The following FRMD4A variants were observed in gnomAD, a reference collection of about 807,000 sequenced individuals.
The protein encoded by FRMD4A is FERM domain-containing protein 4A.
Under a neutral mutation model 129.1 loss-of-function variants are expected in FRMD4A, and 29 were observed. That is an observed-to-expected ratio of 0.22 (90% confidence interval 0.17 to 0.31). FRMD4A has a LOEUF of 0.31. FRMD4A is among the 10% of genes least tolerant of loss of function. The probability of loss-of-function intolerance (pLI) is 1.00; values close to 1 mark genes in which losing one functional copy is unlikely to be tolerated. For missense variants in FRMD4A, 1,272 were observed against 1,375.8 expected, an observed-to-expected ratio of 0.92 and a Z score of 1.19; for synonymous variants, 634 against 571.6, an observed-to-expected ratio of 1.11 and a Z score of -1.56.
chr10:13,925,799 G>T (rs111980561), intron 2 of FRMD4A, among the ~76,000 whole-genome samples: 4 of 150,590 alleles, frequency 2.7e-5, no homozygotes, highest in African/African-American at 9.7e-5. Flanking sequence ...TAGCCAGGAT[G>T]GTCTAGATCT....
chr10:13,693,622 G>T (rs2085929731), intron 15 of FRMD4A: 4 of 723,798 alleles, frequency 5.5e-6, no homozygotes, highest in Non-Finnish European at 8.3e-6. Context: ...ACGCTCTGGG[G>T]GGTACCTGAA....
At chr10:14,015,734 C>A (rs535489433) in intron 2 of FRMD4A, among the ~76,000 whole-genome samples, 2 of 152,308 alleles carry the variant, frequency 1.3e-5, no homozygotes, top group South Asian at 4.1e-4. Context: ...TTCATTCAAC[C>A]ATTATTTTAT....
At chr10:13,798,665 C>G (rs573753495) in intron 4 of FRMD4A, among the ~76,000 whole-genome samples, 1 of 152,046 alleles carries the variant, frequency 6.6e-6, no homozygotes, top group Non-Finnish European at 1.5e-5. Flanking sequence ...TGCAGTGAGC[C>G]GAGATGGCGC....
intron 2 of FRMD4A, among the ~76,000 whole-genome samples, chr10:13,982,058 A>G (rs906847231): frequency 2.0e-5 from 3 of 152,220 alleles, no homozygotes; most frequent in African/African-American, 7.2e-5. Flanking sequence ...GCGTAGCCAT[A>G]CAAACTAGAA....
intron 2 of FRMD4A, among the ~76,000 whole-genome samples, chr10:13,928,046 G>A (rs898668497): frequency 2.1e-5 from 3 of 140,552 alleles, no homozygotes; most frequent in Non-Finnish European, 4.5e-5. Flanking sequence ...TCTGAGACAG[G>A]GTCTCACTCT....
At chr10:13,874,240 T>A (rs376790553) in intron 2 of FRMD4A, among the ~76,000 whole-genome samples, 279 of 73,028 alleles carry the variant, frequency 3.8e-3, no homozygotes, top group African/African-American at 0.017. Context: ...AGTGAGACAC[T>A]GTCTCAAAAA....
chr10:14,088,624 C>T (rs112330023), intron 2 of FRMD4A, among the ~76,000 whole-genome samples: 3 of 151,314 alleles, frequency 2.0e-5, no homozygotes, highest in Non-Finnish European at 4.4e-5. Flanking sequence ...AAAAACTAGC[C>T]GGACGTGATG....
intron 2 of FRMD4A, among the ~76,000 whole-genome samples, chr10:13,948,910 A>G (rs2095352622): frequency 6.6e-6 from 1 of 151,974 alleles, no homozygotes; most frequent in South Asian, 2.1e-4. Flanking sequence ...TCGGCCTCCC[A>G]AAGTGTTGGG....
chr10:14,315,180 C>T (rs1249120253), intron 2 of FRMD4A, among the ~76,000 whole-genome samples: 1 of 151,986 alleles, frequency 6.6e-6, no homozygotes, highest in Non-Finnish European at 1.5e-5. Flanking sequence ...TCTGTCTATT[C>T]TCCCCAGGTG....
intron 2 of FRMD4A, among the ~76,000 whole-genome samples, chr10:14,202,299 C>T (rs975080384): frequency 2.6e-5 from 4 of 152,124 alleles, no homozygotes; most frequent in African/African-American, 4.8e-5. Context: ...GGTGGTATCC[C>T]CTCAGATGGG....
intron 2 of FRMD4A, among the ~76,000 whole-genome samples, chr10:14,228,480 G>A (rs928071122): frequency 2.6e-5 from 4 of 152,190 alleles, no homozygotes; most frequent in Non-Finnish European, 5.9e-5. Flanking sequence ...TTTTGTAGGT[G>A]AAAATAGTGT....
At chr10:13,658,330 T>C (rs559357589) in intron 21 of FRMD4A, among the ~76,000 whole-genome samples, 1 of 152,260 alleles carries the variant, frequency 6.6e-6, no homozygotes, top group Admixed American at 6.5e-5. Flanking sequence ...AATTAAACAA[T>C]GAATGATGCA....
intron 2 of FRMD4A, among the ~76,000 whole-genome samples, chr10:14,259,643 T>C (rs1187569049): frequency 1.3e-5 from 2 of 152,214 alleles, no homozygotes; most frequent in African/African-American, 4.8e-5. Context: ...CAACCACAAA[T>C]TTTTTAGTCA....
intron 2 of FRMD4A, among the ~76,000 whole-genome samples, chr10:14,207,719 C>CAT (rs1554784847): frequency 6.6e-6 from 1 of 150,908 alleles, no homozygotes; most frequent in East Asian, 1.9e-4. Flanking sequence ...CACACACACA[C>CAT]GGAGGGAAGG....
chr10:13,733,865 C>A (rs2135029896), intron 12 of FRMD4A, among the ~76,000 whole-genome samples: 1 of 152,332 alleles, frequency 6.6e-6, no homozygotes, highest in Middle Eastern at 3.4e-3. Context: ...GAAATGAACT[C>A]TTCACTCCTA....
intron 2 of FRMD4A, among the ~76,000 whole-genome samples, chr10:14,219,831 A>G (rs976125367): frequency 6.6e-6 from 1 of 152,080 alleles, no homozygotes; most frequent in East Asian, 1.9e-4. Flanking sequence ...TTTGGTCAAG[A>G]CTTGAATTTT....
intron 4 of FRMD4A, among the ~76,000 whole-genome samples, chr10:13,810,369 G>A (rs528298490): frequency 2.0e-5 from 3 of 151,942 alleles, no homozygotes; most frequent in Admixed American, 6.6e-5. Flanking sequence ...TTTCATAGTC[G>A]CTTTATTTCA....
chr10:14,292,781 C>T (rs1026726908), intron 2 of FRMD4A, among the ~76,000 whole-genome samples: 2 of 151,694 alleles, frequency 1.3e-5, no homozygotes, highest in Admixed American at 1.3e-4. Context: ...GCCTGGGCGA[C>T]AGAGCGAGAC....
chr10:14,137,677 C>T (rs1291970643), intron 2 of FRMD4A, among the ~76,000 whole-genome samples: 1 of 152,122 alleles, frequency 6.6e-6, no homozygotes, highest in East Asian at 1.9e-4. Flanking sequence ...TTGAGTGGAT[C>T]TCTCTCTTGT....
Sources: gnomAD v4.1 joint callset for allele counts (sites outside exome capture counted in the v4.1 genomes callset) on GRCh38, gnomAD v4.1.1 for gene constraint, MANE v1.5 for transcripts, NCBI Gene and HGNC (gene_info 2026-07-23, HGNC 2026-07-21) for gene names.